Variants in TOP2A observed in about 807,000 individuals in gnomAD.
The protein encoded by TOP2A is DNA topoisomerase 2-alpha.
In TOP2A, 68 loss-of-function variants were observed where a neutral mutation model predicts 187.2. The observed-to-expected ratio is 0.36, with a 90% confidence interval of 0.30 to 0.44. TOP2A has a LOEUF of 0.44. Ranked by LOEUF, TOP2A falls within the 20% of genes least tolerant of loss-of-function variation. The pLI is 1.00. For synonymous variants in TOP2A, 542 were observed against 593.2 expected, an observed-to-expected ratio of 0.91 and a Z score of 1.25; for missense variants, 1,196 against 1,808.7, an observed-to-expected ratio of 0.66 and a Z score of 6.14.
rs375484270 is a variant in TOP2A at position 40,396,318 on chromosome 17, C to G, written c.3685G>C (p.Ala1229Pro). The change falls in exon 28 of 35, where the codon GCA becomes CCA. Residue 1229 changes from alanine (A) to proline (P), a missense_variant. Ala to Pro is a conservative substitution (Grantham distance 27). This residue lies in a region of TOP2A where 374 missense variants were observed against 403.3 expected (regional missense o/e 0.93). Coordinates refer to ENST00000423485, the MANE Select transcript of TOP2A (RefSeq NM_001067.4). ...TTTTTATTTTTCTTTTCTGCCTCTG[C>G]TTTCATTTCTATGGTTATTCGTGGA... ...VIPRITIEMK[A>P]EAEKKNKKKI... is the part of the protein sequence containing the mutation. 4.4e-6 allele frequency: 7 copies of G among 1,608,846 alleles called. No individual in the cohort carries two copies. The African/African-American group carries it at 6.7e-5, about 15-fold the overall frequency.
At chr17:40,410,467 T>C (rs1271646393) in intron 10 of TOP2A, among the ~76,000 whole-genome samples, 1 of 152,220 alleles carries the variant, frequency 6.6e-6, no homozygotes, top group East Asian at 1.9e-4. Context: ...TGGAAGTCAT[T>C]GAAAGATTTC....
chr17:40,415,970 C>G (rs370827334), intron 4 of TOP2A, 35 bp downstream of exon 4: 1 of 1,426,566 alleles, frequency 7.0e-7, no homozygotes, highest in Non-Finnish European at 9.7e-7. Flanking sequence ...ACAATAGCAA[C>G]GAGCTACATA....
chr17:40,389,825 A>G, intron 34 of TOP2A, 140 bp downstream of exon 34: 2 of 1,253,254 alleles, frequency 1.6e-6, no homozygotes, highest in Non-Finnish European at 2.2e-6. Context: ...TAACTTTGTT[A>G]AAACTAAATA....
At chr17:40,410,718 T>G in intron 10 of TOP2A, 1 of 437,664 alleles carries the variant, frequency 2.3e-6, no homozygotes, top group South Asian at 1.7e-5. Context: ...GGTTGGGGCT[T>G]TTTACTAAGA....
In TOP2A at chr17:40,413,217, T is replaced by G; in HGVS notation, c.554A>C (p.Glu185Ala). ...TGCCTGTTTGAACATTTTCTTGTAT[T>G]CTCTACTGGCTGTTTCCACAGTAAA... ...TKFTVETASR[E>A]YKKMFKQTWM... Residue 185 changes from glutamate to alanine, a missense_variant, in exon 6 of 35, where the codon GAA becomes GCA. Coordinates refer to ENST00000423485, the MANE Select transcript of TOP2A (RefSeq NM_001067.4). The G allele has an allele frequency of 6.4e-7, 1 of 1,561,406 alleles. No homozygotes were observed. The highest frequency in any genetic ancestry group is 1.2e-5 in the South Asian group (1 of 84,924).
chr17:40,396,245 G>T (rs1375307112), intron 28 of TOP2A, 38 bp downstream of exon 28: 2 of 1,207,190 alleles, frequency 1.7e-6, no homozygotes, highest in Admixed American at 2.0e-5. Context: ...CCCCCAAAGT[G>T]CTGGGATTAT....
chr17:40,389,770 C>G, intron 34 of TOP2A, 123 bp from the exon 35 acceptor site: 1 of 1,353,004 alleles, frequency 7.4e-7, no homozygotes, highest in South Asian at 1.5e-5. Context: ...TAATAAGAAG[C>G]AGATCTAAGG....
At chr17:40,397,882 G>T (rs1432452589) in intron 27 of TOP2A, among the ~76,000 whole-genome samples, 1 of 149,886 alleles carries the variant, frequency 6.7e-6, no homozygotes, top group African/African-American at 2.5e-5. Context: ...GAGTTCAAGT[G>T]ATTCTCCTGC....
Position 40,405,616 on chromosome 17 carries a change from G to A in TOP2A, c.1954-733C>T, listed in dbSNP as rs978621829. Among the ~76,000 whole-genome samples the A allele has an allele frequency of 8.6e-5, 13 of 151,782 alleles. No individual in the cohort carries two copies. In the East Asian group the frequency reaches 2.1e-3, roughly 25 times the overall value. ...ATTACAGGCGCGTGTCACCAAGCCC[G>A]GCTAATTTTTTATTTTTTATTTTTT... is the stretch of plus-strand genomic sequence containing the variant. On this transcript the variant is annotated intron_variant, in intron 16 of 34. Transcript: ENST00000423485.
In TOP2A at chr17:40,389,801, A is replaced by G. The variant is rs551383613; in HGVS notation, c.4468-154T>C. 4.6e-5 allele frequency among the ~76,000 whole-genome samples: 7 copies of G among 152,358 alleles called. No homozygotes were observed. The East Asian group carries it at 1.2e-3, about 25-fold the overall frequency. ...TAAGGCCAACTCTTCCATTGCCCAA[A>G]TAAGTGGCATATTTAACTTTGTTAA... On this transcript the variant is annotated intron_variant, in intron 34 of 34. Coordinates refer to ENST00000423485, the MANE Select transcript of TOP2A (RefSeq NM_001067.4).
chr17:40,404,990 C>CTTTTT, intron 16 of TOP2A, 107 bp from the exon 17 acceptor site: 1 of 544,180 alleles, frequency 1.8e-6, no homozygotes, highest in Non-Finnish European at 3.1e-6. Flanking sequence ...TACTGTTTTC[C>CTTTTT]TTTTTTTTTT....
In TOP2A at chr17:40,416,927, G is replaced by T. The variant is rs757624677; in HGVS notation, c.22-32C>A. 6 of 1,547,198 alleles carry T rather than the reference G, an allele frequency of 3.9e-6. No homozygotes were observed. In the South Asian group the frequency reaches 7.3e-5, roughly 19 times the overall value. On this transcript the variant is annotated intron_variant, in intron 1 of 34. Coordinates refer to ENST00000423485, the MANE Select transcript of TOP2A (RefSeq NM_001067.4). ...ATTAAAAAAAAAGAGAGAAAGAAGG[G>T]AATTTTTAATCATAAGTTTACCCTA...
At chr17:40,404,905 G>T in intron 16 of TOP2A, 22 bp from the exon 17 acceptor site, 1 of 1,429,226 alleles carries the variant, frequency 7.0e-7, no homozygotes, top group Non-Finnish European at 9.7e-7. Flanking sequence ...AGGATGAAAA[G>T]ATGTCACTGG....
chr17:40,409,417 T>A, intron 10 of TOP2A: 1 of 426,556 alleles, frequency 2.3e-6, no homozygotes, highest in Non-Finnish European at 4.6e-6. Context: ...TAGACACAAA[T>A]AAAACAAATT....
At chr17:40,410,931 A>G (rs1188080599) in intron 10 of TOP2A, among the ~76,000 whole-genome samples, 178 bp downstream of exon 10, 1 of 152,266 alleles carries the variant, frequency 6.6e-6, no homozygotes, top group Non-Finnish European at 1.5e-5. Flanking sequence ...ACTGAAATAT[A>G]GACGGTCATT....
chr17:40,389,574 C>T lies in TOP2A; in HGVS notation c.4541G>A (p.Arg1514Gln), dbSNP rs544998359. The change falls in exon 35 of 35, where the codon CGG becomes CAG. Residue 1514 changes from arginine (R) to glutamine (Q), a missense_variant. Physicochemically the swap from Arg to Gln is conservative, Grantham distance 43. Around this residue, in one of 10 missense-constraint regions of TOP2A, gnomAD observed 374 missense variants for 403.3 expected, o/e 0.93. Coordinates refer to ENST00000423485, the MANE Select transcript of TOP2A (RefSeq NM_001067.4). ...CAGGTACTTTATAGGTTTCTTTGCC[C>T]GTACAGATTTTGCCCGAGGAGCCAC... Reference protein sequence around the residue: ...SAVAPRAKSVRAKKPIKYLEE... With the variant: ...SAVAPRAKSVQAKKPIKYLEE... 6.9e-6 allele frequency: 11 copies of T among 1,603,832 alleles called. No individual in the cohort carries two copies. Among genetic ancestry groups the T allele is most frequent in the African/African-American group, 5.3e-5 (4 of 74,870 alleles).
chr17:40,404,237 C>A lies in TOP2A; in HGVS notation c.2198G>T (p.Cys733Phe). The change falls in exon 19 of 35, where the codon TGC becomes TTC. Residue 733 changes from cysteine to phenylalanine, a missense_variant. Cys to Phe is a radical substitution (Grantham distance 205). Coordinates refer to ENST00000423485, the MANE Select transcript of TOP2A (RefSeq NM_001067.4). ...TTCTCGCTTGTCATTCCGTTTGAAG[C>A]AAGTAAACAAAACCTTTCTCTGACC... The part of the protein sequence containing the change: ...KPGQRKVLFT[C>F]FKRNDKREVK... 2 of 1,613,806 alleles carry A rather than the reference C, an allele frequency of 1.2e-6. No homozygotes were observed. Among genetic ancestry groups the A allele is most frequent in the Non-Finnish European group, 1.7e-6 (2 of 1,179,842 alleles).
At chr17:40,414,788 G>A (rs890661576) in intron 4 of TOP2A, among the ~76,000 whole-genome samples, 1 of 150,348 alleles carries the variant, frequency 6.7e-6, no homozygotes, top group African/African-American at 2.4e-5. Flanking sequence ...CCCAGGAGGT[G>A]GATGTTGCGG....
At chr17:40,399,404 T>A in intron 24 of TOP2A, 1 of 398,720 alleles carries the variant, frequency 2.5e-6, no homozygotes, top group Non-Finnish European at 4.5e-6. Flanking sequence ...GCAGTGGCAC[T>A]ACCTAGGCTC....
Sources: gnomAD v4.1 joint callset for allele counts (sites outside exome capture counted in the v4.1 genomes callset) on GRCh38, gnomAD v4.1.1 for gene constraint, gnomAD v4.1.1 regional missense constraint, MANE v1.5 for transcripts, NCBI Gene and HGNC (gene_info 2026-07-23, HGNC 2026-07-21) for gene names.